GRIK4: variants seen among roughly 807,000 people sequenced by gnomAD.
GRIK4 encodes glutamate ionotropic receptor kainate type subunit 4, also known as glutamate receptor ionotropic, kainate 4.
In GRIK4, 40 loss-of-function variants were observed where a neutral mutation model predicts 104.9. The ratio of observed to expected loss-of-function variants is 0.38; its 90% CI spans 0.30 to 0.50. The LOEUF (loss-of-function observed/expected upper bound fraction) is 0.50. Ranked by LOEUF, GRIK4 falls within the 20% of genes least tolerant of loss-of-function variation. The pLI is 0.93. For synonymous variants in GRIK4, 485 were observed against 524.9 expected (o/e 0.92, Z 1.04); for missense variants, 1,047 against 1,308.1 (o/e 0.80, Z 3.08).
Position 120,970,726 on chromosome 11 carries a change from C to A in GRIK4, c.2395+3403C>A, listed in dbSNP as rs73009757. Among the ~76,000 whole-genome samples, 1,007 of 152,240 alleles carry A rather than the reference C, an allele frequency of 6.6e-3. 11 individuals carry two copies. The highest frequency in any genetic ancestry group is 0.034 in the Middle Eastern group (10 of 294). On this transcript the variant is annotated intron_variant, in intron 19 of 20. Transcript: ENST00000527524. ...TTAGACCATCTCTCCCATTCCAGAT[C>A]TCGCCCAAAGTCCAAGGACCCTTTC... is the stretch of plus-strand genomic sequence containing the variant.
rs117999611 is a variant in GRIK4 at position 120,582,829 on chromosome 11, G to A, written c.-158-70856G>A. ...TGCTTCAGTGAACATATGCATGCAT[G>A]TATGTGTCTTTATGGTAGAAAAATG... On this transcript the variant is annotated intron_variant, in intron 1 of 20. Coordinates refer to ENST00000527524, the MANE Select transcript of GRIK4 (RefSeq NM_014619.5). 8.9e-3 allele frequency among the ~76,000 whole-genome samples: 1,359 copies of A among 152,250 alleles called. 9 individuals carry two copies. Among genetic ancestry groups the A allele is most frequent in the Non-Finnish European group, 0.013 (909 of 68,014 alleles).
intron 15 of GRIK4, among the ~76,000 whole-genome samples, chr11:120,954,511 GC>G (rs1455462238): frequency 6.6e-6 from 1 of 151,968 alleles, no homozygotes; most frequent in Admixed American, 6.6e-5. Flanking sequence ...ATTCACACTT[GC>G]CCCTTGGATG....
intron 3 of GRIK4, among the ~76,000 whole-genome samples, chr11:120,733,643 T>A (rs1951176765): frequency 6.6e-6 from 1 of 152,184 alleles, no homozygotes; most frequent in African/African-American, 2.4e-5. Flanking sequence ...CCCTGCTTTT[T>A]AATTTTTTGT....
chr11:120,900,726 G>A (rs1230810166), intron 12 of GRIK4, among the ~76,000 whole-genome samples: 1 of 152,186 alleles, frequency 6.6e-6, no homozygotes, highest in Non-Finnish European at 1.5e-5. Context: ...GTTGCCGGGG[G>A]AGGGGTATTC....
chr11:120,886,772 G>A (rs528513048), intron 11 of GRIK4, among the ~76,000 whole-genome samples: 9 of 152,314 alleles, frequency 5.9e-5, no homozygotes, highest in East Asian at 3.9e-4. Context: ...CTTTCTCTGC[G>A]TTCACTGCCC....
At chr11:120,978,244 T>C (rs1422174526) in intron 19 of GRIK4, among the ~76,000 whole-genome samples, 1 of 152,198 alleles carries the variant, frequency 6.6e-6, no homozygotes, top group Non-Finnish European at 1.5e-5. Flanking sequence ...ATATATAAAC[T>C]AGTGTATTAT....
chr11:120,596,067 G>C (rs1005432961), intron 1 of GRIK4, among the ~76,000 whole-genome samples: 1 of 152,142 alleles, frequency 6.6e-6, no homozygotes, highest in Non-Finnish European at 1.5e-5. Context: ...GGCTGATCTC[G>C]AACTCTTGAC....
At chr11:120,812,863 G>T (rs546285851) in intron 4 of GRIK4, among the ~76,000 whole-genome samples, 8 of 152,216 alleles carry the variant, frequency 5.3e-5, no homozygotes, top group Non-Finnish European at 1.0e-4. Context: ...TGGTAAAATG[G>T]CCCAGGAACA....
At chr11:120,754,551 A>G (rs553823899) in intron 3 of GRIK4, among the ~76,000 whole-genome samples, 286 of 152,270 alleles carry the variant, frequency 1.9e-3, no homozygotes, top group African/African-American at 6.5e-3. Flanking sequence ...TGCTGTGAAC[A>G]TTCATGTATA....
At position 120,938,439 on chromosome 11, in the gene GRIK4, C is replaced by T. The variant is rs144382636; in HGVS notation, c.1477-1908C>T. ...AGGATGACCTCACCATATAAGGCTC[C>T]GAGTTTGTTAAGCTGTGCTGGATCG... On this transcript the variant is annotated intron_variant, in intron 13 of 20. Transcript: ENST00000527524. 9.3e-4 allele frequency among the ~76,000 whole-genome samples: 141 copies of T among 152,260 alleles called. No individual in the cohort carries two copies. The Middle Eastern group carries it at 0.01, about 11-fold the overall frequency.
chr11:120,892,059 C>T lies in GRIK4; in HGVS notation c.1165-6473C>T, dbSNP rs533184289. Reference sequence around the variant, plus strand: ...GTGGGCTGCATTCCACCTGCAGTCCCGGGCTTGCCAACTCCTAAACTAGCT... The same window carrying T: ...GTGGGCTGCATTCCACCTGCAGTCCTGGGCTTGCCAACTCCTAAACTAGCT... On this transcript the variant is annotated intron_variant, in intron 11 of 20. Coordinates refer to ENST00000527524, the MANE Select transcript of GRIK4 (RefSeq NM_014619.5). 2.6e-5 allele frequency among the ~76,000 whole-genome samples: 4 copies of T among 152,216 alleles called. No individual in the cohort carries two copies. In the East Asian group the frequency reaches 7.7e-4, roughly 29 times the overall value.
At chr11:120,841,810 G>A (rs1035007046) in intron 8 of GRIK4, among the ~76,000 whole-genome samples, 2 of 152,134 alleles carry the variant, frequency 1.3e-5, no homozygotes, top group South Asian at 2.1e-4. Flanking sequence ...TAGCCATCTC[G>A]ATGGGTGTCA....
intron 8 of GRIK4, among the ~76,000 whole-genome samples, chr11:120,839,251 T>C (rs1378045059): frequency 6.6e-6 from 1 of 152,232 alleles, no homozygotes; most frequent in Non-Finnish European, 1.5e-5. Flanking sequence ...GTCTCATCAC[T>C]CTGAATTCTG....
At chr11:120,966,414 C>T (rs1031559747) in intron 18 of GRIK4, among the ~76,000 whole-genome samples, 3 of 152,130 alleles carry the variant, frequency 2.0e-5, no homozygotes, top group Non-Finnish European at 2.9e-5. Context: ...ATTCTGTTGC[C>T]GAGGCTGGAG....
Position 120,902,959 on chromosome 11 carries a change from C to T in GRIK4, c.1273-2331C>T, listed in dbSNP as rs1942775853. Among the ~76,000 whole-genome samples the T allele has an allele frequency of 6.6e-6, 1 of 152,130 alleles. No homozygotes were observed. Among genetic ancestry groups the T allele is most frequent in the African/African-American group, 2.4e-5 (1 of 41,392 alleles). On this transcript the variant is annotated intron_variant, in intron 12 of 20. Coordinates refer to ENST00000527524, the MANE Select transcript of GRIK4 (RefSeq NM_014619.5). This position sits in a 1 kb window ranked among gnomAD's most constrained non-coding sequence, Gnocchi z 4.5. ...CACCTTCCACTCAGAGCTCCCGCTCCCTGACACATGACCTTTGCCTTCTGG... is the reference window on the plus strand; with the variant it reads ...CACCTTCCACTCAGAGCTCCCGCTCTCTGACACATGACCTTTGCCTTCTGG...
intron 1 of GRIK4, among the ~76,000 whole-genome samples, chr11:120,598,235 A>G (rs1233147949): frequency 1.3e-5 from 2 of 152,190 alleles, no homozygotes; most frequent in Non-Finnish European, 2.9e-5. Context: ...TTTTCCATCC[A>G]TTCTCTCATT....
Position 120,791,510 on chromosome 11 carries a change from C to T in GRIK4, c.83-11183C>T, listed in dbSNP as rs559213282. On this transcript the variant is annotated intron_variant, in intron 3 of 20. Coordinates refer to ENST00000527524, the MANE Select transcript of GRIK4 (RefSeq NM_014619.5). ...TTCTTTACATATTCTGGATACAAGT[C>T]CTTTATCCAGCATGTGCTTTGCATG... Among the ~76,000 whole-genome samples, 4 of 152,266 alleles carry T rather than the reference C, an allele frequency of 2.6e-5. No individual in the cohort carries two copies. In the South Asian group the frequency reaches 8.3e-4, roughly 32 times the overall value.
At chr11:120,566,499 A>G (rs1948325442) in intron 1 of GRIK4, among the ~76,000 whole-genome samples, 1 of 152,208 alleles carries the variant, frequency 6.6e-6, no homozygotes, top group Non-Finnish European at 1.5e-5. Flanking sequence ...TGGACCCTCC[A>G]GATTTGGAAT....
intron 19 of GRIK4, among the ~76,000 whole-genome samples, chr11:120,973,518 T>C (rs1434422243): frequency 6.6e-6 from 1 of 152,230 alleles, no homozygotes; most frequent in Non-Finnish European, 1.5e-5. Flanking sequence ...TCTACGGTCA[T>C]CCTTTGGAAC....
Sources: allele counts gnomAD v4.1 joint callset (sites outside exome capture counted in the v4.1 genomes callset), GRCh38; gene constraint gnomAD v4.1.1; non-coding constraint Gnocchi (gnomAD v3.1); transcripts MANE v1.5; gene names NCBI Gene and HGNC (gene_info 2026-07-23, HGNC 2026-07-21).